TRPC1: variants seen among roughly 807,000 people sequenced by gnomAD.
TRPC1 encodes the protein transient receptor potential cation channel subfamily C member 1, also known as short transient receptor potential channel 1.
Under a neutral mutation model 88.2 loss-of-function variants are expected in TRPC1, and 42 were observed. The ratio of observed to expected loss-of-function variants is 0.48; its 90% CI spans 0.37 to 0.62. TRPC1 has a LOEUF of 0.62. Among genes scored for constraint, TRPC1 ranks in the 20% least tolerant of loss-of-function variants. The pLI, the probability that TRPC1 is intolerant of heterozygous loss-of-function variation, is 0.00. For synonymous variants in TRPC1, 288 were observed against 331.8 expected (o/e 0.87, Z 1.43); for missense variants, 699 against 957.3 (o/e 0.73, Z 3.56).
At chr3:142,784,040 A>T (rs188394206) in intron 6 of TRPC1, among the ~76,000 whole-genome samples, 375 of 152,262 alleles carry the variant, frequency 2.5e-3, no homozygotes, top group Non-Finnish European at 3.6e-3. Context: ...TTCAGTTTTA[A>T]TCAGGCTTAA....
intron 3 of TRPC1, among the ~76,000 whole-genome samples, chr3:142,745,318 T>C (rs1361264215): frequency 1.3e-5 from 2 of 152,184 alleles, no homozygotes; most frequent in African/African-American, 2.4e-5. Context: ...ACTGGAACCA[T>C]TGACTGGTTT....
intron 3 of TRPC1, among the ~76,000 whole-genome samples, chr3:142,747,639 G>GTAAAGTGCCTAACAGTTC (rs1216379888): frequency 3.1e-4 from 47 of 152,164 alleles, no homozygotes; most frequent in African/African-American, 1.1e-3. Context: ...GATGATAAAT[G>GTAAAGTGCCTAACAGTTC]TAAAGTGCCT....
chr3:142,795,289 A>T (rs1027784996), intron 9 of TRPC1, among the ~76,000 whole-genome samples: 2 of 151,900 alleles, frequency 1.3e-5, no homozygotes, highest in Non-Finnish European at 1.5e-5. Context: ...GACCAAAAAA[A>T]TTTTTTAAGA....
At chr3:142,730,435 A>T (rs549115463) in intron 1 of TRPC1, among the ~76,000 whole-genome samples, 4 of 152,250 alleles carry the variant, frequency 2.6e-5, no homozygotes, top group African/African-American at 7.2e-5. Context: ...TTTTACAAAA[A>T]TGTTCAAAGT....
intron 4 of TRPC1, among the ~76,000 whole-genome samples, chr3:142,774,268 T>C (rs560586355): frequency 3.3e-4 from 50 of 152,352 alleles, no homozygotes; most frequent in Non-Finnish European, 7.1e-4. Context: ...CCCACACATA[T>C]GTAATTTTCT....
In TRPC1 at chr3:142,779,633, T is replaced by G. The variant is rs529444244; in HGVS notation, c.765-1201T>G. On this transcript the variant is annotated intron_variant, in intron 5 of 12. Transcript: ENST00000476941. ...GAGAGAAATTAAGGCAAAGAAGTTT[T>G]TATTCTTAAGTTATGATTTTTATAT... Among the ~76,000 whole-genome samples, 10 of 152,264 alleles carry G rather than the reference T, an allele frequency of 6.6e-5. No individual in the cohort carries two copies. The East Asian group carries it at 1.9e-3, about 29-fold the overall frequency.
intron 4 of TRPC1, among the ~76,000 whole-genome samples, chr3:142,770,731 TTTC>T (rs1935547978): frequency 6.6e-6 from 1 of 152,212 alleles, no homozygotes; most frequent in Non-Finnish European, 1.5e-5. Context: ...CTGCTTTTTG[TTTC>T]TTATGTGTTT....
intron 4 of TRPC1, among the ~76,000 whole-genome samples, chr3:142,761,239 GT>G (rs1005892326): frequency 2.6e-5 from 4 of 151,988 alleles, no homozygotes; most frequent in Non-Finnish European, 5.9e-5. Flanking sequence ...TCCTATACCT[GT>G]TTTGATGAGG....
At chr3:142,779,853 T>G (rs1020965683) in intron 5 of TRPC1, among the ~76,000 whole-genome samples, 10 of 150,566 alleles carry the variant, frequency 6.6e-5, no homozygotes, top group Non-Finnish European at 1.5e-4. Context: ...ATAAAGTTAA[T>G]GTAATTGATT....
At chr3:142,730,101 A>G (rs1188024111) in intron 1 of TRPC1, among the ~76,000 whole-genome samples, 2 of 152,156 alleles carry the variant, frequency 1.3e-5, no homozygotes, top group African/African-American at 4.8e-5. Context: ...ATCCTTTCTG[A>G]GACTGTGTTG....
At position 142,743,512 on chromosome 3, in the gene TRPC1, G is replaced by A. The variant is rs1424100895; in HGVS notation, c.355G>A (p.Asp119Asn). The A allele has an allele frequency of 3.3e-6, 5 of 1,514,112 alleles. No individual in the cohort carries two copies. The highest frequency in any genetic ancestry group is 4.4e-6 in the Non-Finnish European group (5 of 1,139,140). The allele number at this position is 1,514,112 out of a possible 1,614,324, so 93.8% of individuals were successfully genotyped here. The change falls in exon 3 of 13, where the codon GAC (aspartate) becomes AAC (asparagine). Residue 119 changes from aspartate to asparagine, a missense_variant. Physicochemically the swap from Asp to Asn is conservative, Grantham distance 23. Around this residue, in one of 4 missense-constraint regions of TRPC1, gnomAD observed 426 missense variants for 641.3 expected, o/e 0.66. Transcript: ENST00000476941. The stretch of plus-strand genomic sequence containing the variant: ...TGCAGATGCACTTTTGGTGGCAATC[G>A]ACTCTGAAGTAGTGGGAGCTGTTGA... The part of the protein sequence containing the change: ...QSADALLVAI[D>N]SEVVGAVDIL...
chr3:142,724,397 AGGGGAGGCGACGCCCTTC>A lies in TRPC1; in HGVS notation c.-158_-141del. The A allele has an allele frequency of 3.5e-6, 2 of 571,596 alleles. No homozygotes were observed. The highest frequency in any genetic ancestry group is 5.6e-6 in the Non-Finnish European group (2 of 354,536). The allele number at this position is 571,596 out of a possible 1,614,324, so 35.4% of individuals were successfully genotyped here. On this transcript the variant is annotated 5_prime_UTR_variant, in exon 1 of 13. Coordinates refer to ENST00000476941, the MANE Select transcript of TRPC1 (RefSeq NM_001251845.2). This position sits in a 1 kb window ranked among gnomAD's most constrained non-coding sequence, Gnocchi z 5.6. ...CAGTGGAGGGCGAGTGCTGGTTCTCAGGGGAGGCGACGCCCTTCGGGGCCAACGGGCCTCGAGCCGAGG... is the reference window on the plus strand; with the variant it reads ...CAGTGGAGGGCGAGTGCTGGTTCTCAGGGGCCAACGGGCCTCGAGCCGAGG...
At chr3:142,756,742 G>A (rs1464867488) in intron 4 of TRPC1, among the ~76,000 whole-genome samples, 1 of 152,138 alleles carries the variant, frequency 6.6e-6, no homozygotes, top group Non-Finnish European at 1.5e-5. Context: ...TAGCAGGAGT[G>A]TAGTGGTTTC....
At chr3:142,739,679 G>A (rs746709838) in intron 2 of TRPC1, among the ~76,000 whole-genome samples, 5 of 152,194 alleles carry the variant, frequency 3.3e-5, no homozygotes, top group African/African-American at 4.8e-5. Flanking sequence ...GAGAAAGGAT[G>A]TGATGTGTCC....
At position 142,777,672 on chromosome 3, in the gene TRPC1, C is replaced by T; in HGVS notation, c.673C>T (p.Leu225=). The change falls in exon 5 of 13, where the codon CTA becomes TTA. Residue 225 remains leucine, a synonymous_variant. Coordinates refer to ENST00000476941, the MANE Select transcript of TRPC1 (RefSeq NM_001251845.2). ...ATATCGATGTTTGGCCAGTCCAGCT[C>T]TAATAATGTTAACAGAGGAGGATCC... The part of the protein sequence containing the change: ...DIYRCLASPA[L]IMLTEEDPIL... 6.2e-7 allele frequency: 1 copy of T among 1,612,646 alleles called. No homozygotes were observed. The highest frequency in any genetic ancestry group is 8.5e-7 in the Non-Finnish European group (1 of 1,179,102).
At chr3:142,773,581 GTT>G (rs74269488) in intron 4 of TRPC1, among the ~76,000 whole-genome samples, 8 of 132,362 alleles carry the variant, frequency 6.0e-5, no homozygotes, top group Non-Finnish European at 9.7e-5. Context: ...TCTGCAGGCA[GTT>G]TTTTTTTTTT....
chr3:142,774,264 C>T (rs1281132383), intron 4 of TRPC1, among the ~76,000 whole-genome samples: 1 of 152,194 alleles, frequency 6.6e-6, no homozygotes, highest in Non-Finnish European at 1.5e-5. Context: ...GTTCCCCACA[C>T]ATATGTAATT....
At chr3:142,785,083 C>A (rs1237673308) in intron 7 of TRPC1, 43 bp downstream of exon 7, 1 of 1,482,866 alleles carries the variant, frequency 6.7e-7, no homozygotes, top group East Asian at 2.4e-5. Flanking sequence ...TTTATTTAGC[C>A]CACTGATTCT....
chr3:142,736,327 C>G (rs372011137), intron 1 of TRPC1, 52 bp from the exon 2 acceptor site: 2 of 1,387,318 alleles, frequency 1.4e-6, no homozygotes, highest in Non-Finnish European at 1.9e-6. Context: ...TTACAGTCAT[C>G]CTTACTTGAT....
Sources: gnomAD v4.1 joint callset for allele counts (sites outside exome capture counted in the v4.1 genomes callset) on GRCh38, gnomAD v4.1.1 for gene constraint, gnomAD v4.1.1 regional missense constraint, Gnocchi (gnomAD v3.1) non-coding constraint, MANE v1.5 for transcripts, NCBI Gene and HGNC (gene_info 2026-07-23, HGNC 2026-07-21) for gene names.